PCDH11X: variants seen among roughly 807,000 people sequenced by gnomAD.
PCDH11X encodes the protein protocadherin 11 X-linked.
PCDH11X carries 18 observed loss-of-function variants against 53.3 expected under a neutral mutation model. The ratio of observed to expected loss-of-function variants is 0.34; its 90% confidence interval spans 0.23 to 0.50. PCDH11X has a LOEUF of 0.50. PCDH11X is among the 20% of genes least tolerant of loss of function. PCDH11X has a pLI of 0.98. For synonymous variants in PCDH11X, 279 were observed against 393.3 expected (o/e 0.71, Z 3.44); for missense variants, 570 against 1,032.4 (o/e 0.55, Z 6.14).
rs367780749 is a variant in PCDH11X, at chrX:92,618,381, G to A, written c.3485G>A (p.Ser1162Asn). The A allele has an allele frequency of 1.4e-5, 17 of 1,209,854 alleles. No individual in the cohort carries two copies. Among genetic ancestry groups the A allele is most frequent in the Middle Eastern group, 2.3e-4 (1 of 4,368 alleles). Residue 1162 changes from serine to asparagine, a missense_variant, in exon 11 of 11, where the codon AGC becomes AAC. By Grantham distance (46) the Ser-to-Asn change is conservative. Coordinates refer to ENST00000682573, the MANE Select transcript of PCDH11X (RefSeq NM_032968.5). ...CWMPASLDHS[S>N]SSQAQASALC... ...ATGCCGGCATCTCTGGATCATTCCA[G>A]CTCTTCGCAAGCACAGGCCTCTGCT...
intron 6 of PCDH11X, among the ~76,000 whole-genome samples, chrX:92,004,387 A>G (rs1270658101): frequency 9.0e-6 from 1 of 111,080 alleles, no homozygotes; most frequent in Non-Finnish European, 1.9e-5. Context: ...GTAAATATCT[A>G]TTAGGTCCAT....
chrX:92,018,653 A>G lies in PCDH11X; in HGVS notation c.3033+139380A>G, dbSNP rs2062835460. Among the ~76,000 whole-genome samples, 3 of 112,623 alleles carry G rather than the reference A, an allele frequency of 2.7e-5. No individual in the cohort carries two copies. The Admixed American group carries it at 2.8e-4, about 11-fold the overall frequency. ...ATTAATATACAGCCATGCTTCATAT[A>G]GTATCTAATTATGATGTGATACTAA... On this transcript the variant is annotated intron_variant, in intron 6 of 10. Transcript: ENST00000682573.
At chrX:92,451,353 T>G (rs1343753629) in intron 9 of PCDH11X, among the ~76,000 whole-genome samples, 1 of 110,097 alleles carries the variant, frequency 9.1e-6, no homozygotes, top group African/African-American at 3.3e-5. Context: ...TTACCAAAAT[T>G]AAAAAGGCAA....
rs1926056492 is a variant in PCDH11X at position 92,600,015 on chromosome X, T to G, written c.3368-18249T>G. ...TCTGGCAGAATAAATTTCTAAGCAG[T>G]AAAGCATTCAAGAGGTAACTTGGGT... On this transcript the variant is annotated intron_variant, in intron 10 of 10. Transcript: ENST00000682573. Among the ~76,000 whole-genome samples, 4 of 109,474 alleles carry G rather than the reference T, an allele frequency of 3.7e-5. No individual in the cohort carries two copies. In the Admixed American group the frequency reaches 3.9e-4, roughly 11 times the overall value.
intron 6 of PCDH11X, among the ~76,000 whole-genome samples, chrX:92,182,487 G>C (rs1007080647): frequency 1.8e-5 from 2 of 111,263 alleles, no homozygotes; most frequent in African/African-American, 6.5e-5. Flanking sequence ...AGAACATGAG[G>C]TTTGGAAGGG....
At chrX:92,202,826 C>T (rs1327202448) in intron 7 of PCDH11X, among the ~76,000 whole-genome samples, 3 of 109,208 alleles carry the variant, frequency 2.7e-5, no homozygotes, top group Admixed American at 9.8e-5. Flanking sequence ...TCGAGACCAT[C>T]CTGGCTAACA....
intron 6 of PCDH11X, among the ~76,000 whole-genome samples, chrX:92,127,787 C>T (rs1345806866): frequency 2.7e-5 from 3 of 111,021 alleles, no homozygotes; most frequent in Non-Finnish European, 5.7e-5. Flanking sequence ...TCCCAAAGTG[C>T]TGTGATTACA....
intron 10 of PCDH11X, among the ~76,000 whole-genome samples, chrX:92,594,197 C>T (rs1185741106): frequency 9.7e-6 from 1 of 103,384 alleles, no homozygotes; most frequent in Non-Finnish European, 2.0e-5. Context: ...AAATGACTTA[C>T]AGTTACTTGG....
intron 9 of PCDH11X, among the ~76,000 whole-genome samples, chrX:92,393,139 C>T (rs1166141050): frequency 1.8e-5 from 2 of 110,305 alleles, no homozygotes; most frequent in African/African-American, 6.5e-5. Context: ...AAAGTGAATG[C>T]ATCATTTTGT....
chrX:92,460,050 C>T, intron 9 of PCDH11X: 3 of 956,961 alleles, frequency 3.1e-6, no homozygotes, highest in Non-Finnish European at 3.0e-6. Flanking sequence ...GGAGCCATTA[C>T]TGCAAGACCA....
At chrX:92,527,937 T>TG (rs2074485546) in intron 10 of PCDH11X, among the ~76,000 whole-genome samples, 1 of 111,760 alleles carries the variant, frequency 8.9e-6, no homozygotes, top group Non-Finnish European at 1.9e-5. Flanking sequence ...AGTACATGAG[T>TG]GAATTAAGTG....
chrX:92,251,729 T>C (rs397580), intron 7 of PCDH11X, among the ~76,000 whole-genome samples: 63,228 of 109,778 alleles, frequency 0.58, 15,320 homozygotes, highest in Non-Finnish European at 0.78. Context: ...CAGTGACGAC[T>C]GTAGTATCAA....
intron 6 of PCDH11X, among the ~76,000 whole-genome samples, chrX:92,004,733 A>C (rs1325853408): frequency 1.4e-5 from 1 of 69,594 alleles, no homozygotes; most frequent in South Asian, 6.4e-4. Context: ...GTCCTGAAAT[A>C]TTTTTCCATC....
At chrX:92,489,545 A>T (rs184815783) in intron 10 of PCDH11X, among the ~76,000 whole-genome samples, 2,999 of 108,229 alleles carry the variant, frequency 0.028, 101 homozygotes, top group African/African-American at 0.096. Flanking sequence ...TTATTTGGTC[A>T]TTTTCTGCAT....
At chrX:92,552,994 C>CGTGT (rs57655496) in intron 10 of PCDH11X, among the ~76,000 whole-genome samples, 2,542 of 88,859 alleles carry the variant, frequency 0.029, 42 homozygotes, top group Middle Eastern at 0.049. Context: ...CTGCAATTTT[C>CGTGT]GTGTGTGTGT....
intron 6 of PCDH11X, among the ~76,000 whole-genome samples, chrX:91,974,358 T>C (rs1342485651): frequency 9.0e-6 from 1 of 110,994 alleles, no homozygotes; most frequent in African/African-American, 3.3e-5. Context: ...GCACCATAAA[T>C]GGGATTAGCA....
chrX:91,868,464 G>A (rs1335634139), intron 5 of PCDH11X, among the ~76,000 whole-genome samples: 5 of 111,495 alleles, frequency 4.5e-5, no homozygotes, highest in Non-Finnish European at 7.5e-5. Context: ...GATGATAGTA[G>A]ATCCAAAAGA....
chrX:92,496,645 T>C (rs1348232361), intron 10 of PCDH11X, among the ~76,000 whole-genome samples: 1 of 106,238 alleles, frequency 9.4e-6, no homozygotes, highest in Non-Finnish European at 1.9e-5. Flanking sequence ...ACCAAAATTA[T>C]GTTAATGTAG....
chrX:91,988,371 T>C (rs2062259889), intron 6 of PCDH11X, among the ~76,000 whole-genome samples: 1 of 112,451 alleles, frequency 8.9e-6, no homozygotes, highest in African/African-American at 3.2e-5. Flanking sequence ...TTAAGACATG[T>C]GTCATGTTGA....
Sources: allele counts gnomAD v4.1 joint callset (sites outside exome capture counted in the v4.1 genomes callset), GRCh38; gene constraint gnomAD v4.1.1; transcripts MANE v1.5; gene names NCBI Gene and HGNC (gene_info 2026-07-23, HGNC 2026-07-21).